Variants in HTT-AS observed in about 807,000 individuals in gnomAD.
The protein encoded by HTT-AS is HTT antisense RNA (head to head).
At chr4:3,046,846 C>T (rs183262939), downstream of HTT-AS, among the ~76,000 whole-genome samples, 3 of 151,586 alleles carry the variant, frequency 2.0e-5, no homozygotes, top group South Asian at 2.1e-4. Context: ...GGACATAGTG[C>T]ATGAGCTCAG....
chr4:3,059,246 C>T (rs752376897), intron 2 of HTT-AS, among the ~76,000 whole-genome samples: 7 of 152,176 alleles, frequency 4.6e-5, no homozygotes, highest in African/African-American at 1.7e-4. Context: ...TCGGAGAAGG[C>T]GAATTCATCT....
chr4:3,054,802 C>T (rs915723386), intron 2 of HTT-AS, among the ~76,000 whole-genome samples: 1 of 151,602 alleles, frequency 6.6e-6, no homozygotes, highest in Non-Finnish European at 1.5e-5. Context: ...GCAACCTCTG[C>T]CCCCTGGGTT....
downstream of HTT-AS, among the ~76,000 whole-genome samples, chr4:3,048,946 CA>C: frequency 6.6e-6 from 1 of 152,192 alleles, no homozygotes; most frequent in East Asian, 1.9e-4. Context: ...ACATATGTCT[CA>C]TTAAAGTTTC....
intron 1 of HTT-AS, among the ~76,000 whole-genome samples, chr4:3,068,334 G>A (rs546197614): frequency 0.023 from 2,896 of 125,592 alleles, 176 homozygotes; most frequent in African/African-American, 0.08. Flanking sequence ...AAAAAAAAAA[G>A]GGTGACGAAG....
chr4:3,047,962 G>A (rs556846832), downstream of HTT-AS, among the ~76,000 whole-genome samples: 23 of 152,306 alleles, frequency 1.5e-4, no homozygotes, highest in African/African-American at 5.1e-4. Context: ...CACCCTGTCC[G>A]GTGGACACGT....
chr4:3,048,363 G>T (rs2110119415), downstream of HTT-AS, among the ~76,000 whole-genome samples: 1 of 152,278 alleles, frequency 6.6e-6, no homozygotes, highest in Non-Finnish European at 1.5e-5. Flanking sequence ...CATTCCAGTT[G>T]AAGAGAGACC....
At chr4:3,070,980 A>G (rs989183050) in intron 1 of HTT-AS, among the ~76,000 whole-genome samples, 5 of 152,184 alleles carry the variant, frequency 3.3e-5, no homozygotes, top group African/African-American at 4.8e-5. Flanking sequence ...CTTTTCTGTG[A>G]ACTTTAAAAA....
chr4:3,051,749 A>G (rs1711707636), intron 2 of HTT-AS, among the ~76,000 whole-genome samples: 1 of 151,352 alleles, frequency 6.6e-6, no homozygotes, highest in African/African-American at 2.4e-5. Flanking sequence ...TGAATCTCGT[A>G]GGCTTTATGT....
At chr4:3,048,580 T>A (rs1033188975), downstream of HTT-AS, among the ~76,000 whole-genome samples, 22 of 152,176 alleles carry the variant, frequency 1.4e-4, no homozygotes, top group Non-Finnish European at 2.8e-4. Context: ...CTCAACTAAG[T>A]GGCCTTTTCA....
intron 2 of HTT-AS, among the ~76,000 whole-genome samples, chr4:3,053,438 C>T (rs771027187): frequency 5.9e-5 from 9 of 152,140 alleles, no homozygotes; most frequent in Non-Finnish European, 1.0e-4. Context: ...GAGGCTGAGG[C>T]AGGAGAATCA....
At chr4:3,063,502 T>C (rs1227869445) in exon 2 of HTT-AS, 1 of 152,250 alleles carries the variant, frequency 6.6e-6, no homozygotes, top group African/African-American at 2.4e-5. Context: ...ATGCAGAACA[T>C]TCTGTTCAGT....
intron 1 of HTT-AS, among the ~76,000 whole-genome samples, chr4:3,073,261 A>AC (rs1445240120): frequency 1.3e-5 from 2 of 151,724 alleles, no homozygotes; most frequent in South Asian, 2.1e-4. Context: ...TGCCTGCATC[A>AC]CCCCCCGGCT....
At chr4:3,067,550 C>T (rs1712078222) in intron 1 of HTT-AS, among the ~76,000 whole-genome samples, 1 of 152,188 alleles carries the variant, frequency 6.6e-6, no homozygotes, top group African/African-American at 2.4e-5. Flanking sequence ...CCAGGGACAG[C>T]TGGTCACACC....
chr4:3,049,690 C>A (rs1711664679), exon 3 of HTT-AS, among the ~76,000 whole-genome samples: 1 of 152,116 alleles, frequency 6.6e-6, no homozygotes, highest in Non-Finnish European at 1.5e-5. Flanking sequence ...AAGATCCAGT[C>A]TTCGGGTTCT....
At chr4:3,074,239 C>A (rs1262993635) in intron 1 of HTT-AS, among the ~76,000 whole-genome samples, 1 of 126,548 alleles carries the variant, frequency 7.9e-6, no homozygotes. Context: ...GCCCCGCCCC[C>A]GTCTCGCCCC....
intron 2 of HTT-AS, among the ~76,000 whole-genome samples, chr4:3,057,513 C>T (rs187508677): frequency 9.2e-5 from 14 of 152,218 alleles, no homozygotes; most frequent in African/African-American, 2.9e-4. Flanking sequence ...AGAATTCAGA[C>T]GAGTCCACAG....
intron 1 of HTT-AS, among the ~76,000 whole-genome samples, chr4:3,070,534 C>G: frequency 6.6e-6 from 1 of 152,178 alleles, no homozygotes; most frequent in East Asian, 1.9e-4. Context: ...AGGTGATCAG[C>G]CCACCTCGGC....
At chr4:3,047,666 G>GC (rs1287125715), downstream of HTT-AS, among the ~76,000 whole-genome samples, 1 of 152,192 alleles carries the variant, frequency 6.6e-6, no homozygotes, top group African/African-American at 2.4e-5. Flanking sequence ...GGGGAGAGGG[G>GC]CGGAGGGGTT....
intron 1 of HTT-AS, among the ~76,000 whole-genome samples, chr4:3,068,935 G>A (rs573939508): frequency 4.3e-4 from 65 of 152,074 alleles, no homozygotes; most frequent in African/African-American, 1.5e-3. Context: ...GATTACAGGC[G>A]CGAGCCACTG....
Sources: allele counts gnomAD v4.1 joint callset (sites outside exome capture counted in the v4.1 genomes callset), GRCh38; gene constraint gnomAD v4.1.1; transcripts MANE v1.5; gene names NCBI Gene and HGNC (gene_info 2026-07-23, HGNC 2026-07-21).